The following SNTG1 variants were observed in gnomAD, a reference collection of about 807,000 sequenced individuals.
SNTG1 encodes the protein gamma-1-syntrophin.
A neutral mutation model predicts 74.7 loss-of-function variants in SNTG1; 39 were observed. The ratio of observed to expected loss-of-function variants is 0.52; its 90% CI spans 0.40 to 0.68. The LOEUF (loss-of-function observed/expected upper bound fraction) is 0.68, where lower values mean the gene tolerates loss of function less well. SNTG1 is among the 30% of genes least tolerant of loss of function. The pLI is 0.00. For synonymous variants in SNTG1, 254 were observed against 217.1 expected (o/e 1.17, Z -1.49); for missense variants, 685 against 609.5 (o/e 1.12, Z -1.30).
At chr8:50,751,941 C>A in intron 17 of SNTG1, 60 bp from the exon 18 acceptor site, 1 of 993,480 alleles carries the variant, frequency 1.0e-6, no homozygotes, top group Non-Finnish European at 1.5e-6. Flanking sequence ...AGAACTATTT[C>A]TTGATTTGAA....
intron 12 of SNTG1, among the ~76,000 whole-genome samples, chr8:50,587,926 A>G (rs1490177744): frequency 6.6e-6 from 1 of 152,036 alleles, no homozygotes; most frequent in Non-Finnish European, 1.5e-5. Flanking sequence ...TCTGGCCAAC[A>G]TGGTGAAACC....
chr8:50,140,574 G>A (rs1386530797), intron 1 of SNTG1, among the ~76,000 whole-genome samples: 1 of 152,080 alleles, frequency 6.6e-6, no homozygotes, highest in Non-Finnish European at 1.5e-5. Flanking sequence ...GTGTGTATGT[G>A]TGAATGTTTA....
At chr8:50,437,886 T>C (rs73581395) in intron 4 of SNTG1, among the ~76,000 whole-genome samples, 4,234 of 152,308 alleles carry the variant, frequency 0.028, 186 homozygotes, top group African/African-American at 0.095. Flanking sequence ...CTTTGTGATT[T>C]TGAAGTTTTA....
At chr8:50,084,111 G>T (rs902460203) in intron 1 of SNTG1, among the ~76,000 whole-genome samples, 16 of 152,146 alleles carry the variant, frequency 1.1e-4, no homozygotes, top group African/African-American at 3.9e-4. Flanking sequence ...CACACTAAGT[G>T]GTTCATGTCG....
intron 17 of SNTG1, among the ~76,000 whole-genome samples, chr8:50,741,154 T>A (rs772896659): frequency 1.5e-4 from 23 of 152,042 alleles, no homozygotes; most frequent in Non-Finnish European, 3.4e-4. Context: ...AGGCAGAGTC[T>A]TGCTCTGTCA....
At chr8:49,916,496 A>G (rs904330941) in intron 1 of SNTG1, among the ~76,000 whole-genome samples, 1 of 152,152 alleles carries the variant, frequency 6.6e-6, no homozygotes, top group Admixed American at 6.6e-5. Context: ...TCACTTCATC[A>G]TATGTAATGT....
At chr8:49,959,121 C>T (rs562234686) in intron 1 of SNTG1, among the ~76,000 whole-genome samples, 6 of 152,180 alleles carry the variant, frequency 3.9e-5, no homozygotes, top group South Asian at 4.1e-4. Context: ...ATGAAATTCT[C>T]GATATTTTCA....
intron 1 of SNTG1, among the ~76,000 whole-genome samples, chr8:50,044,717 C>T (rs1563515958): frequency 6.6e-6 from 1 of 152,156 alleles, no homozygotes; most frequent in Admixed American, 6.5e-5. Context: ...AAAATAACAT[C>T]TATAAACTGC....
intron 9 of SNTG1, among the ~76,000 whole-genome samples, chr8:50,508,321 T>C (rs1289603565): frequency 6.6e-6 from 1 of 152,220 alleles, no homozygotes; most frequent in Non-Finnish European, 1.5e-5. Flanking sequence ...AGTCTATCAT[T>C]GTTGGATATT....
intron 2 of SNTG1, among the ~76,000 whole-genome samples, chr8:50,346,948 T>C (rs973383411): frequency 2.0e-5 from 3 of 152,250 alleles, no homozygotes; most frequent in Non-Finnish European, 2.9e-5. Flanking sequence ...AGAAGTCATC[T>C]TCACAACATA....
rs566894200 is a variant in SNTG1, at chr8:50,429,219, G to C, written c.163-9324G>C. ...TTGAAAAAAACAAAAGAGTTTGAGGGTTCATATTTCCTGATTTCAAAGCTT... is the reference window on the plus strand; with the variant it reads ...TTGAAAAAAACAAAAGAGTTTGAGGCTTCATATTTCCTGATTTCAAAGCTT... On this transcript the variant is annotated intron_variant, in intron 4 of 18. Coordinates refer to ENST00000642720, the MANE Select transcript of SNTG1 (RefSeq NM_018967.5). Among the ~76,000 whole-genome samples, 5 of 151,912 alleles carry C rather than the reference G, an allele frequency of 3.3e-5. No individual in the cohort carries two copies. The East Asian group carries it at 9.7e-4, about 29-fold the overall frequency.
chr8:50,090,829 T>C (rs1331658998), intron 1 of SNTG1, among the ~76,000 whole-genome samples: 2 of 152,040 alleles, frequency 1.3e-5, no homozygotes, highest in Non-Finnish European at 2.9e-5. Flanking sequence ...AGACAGCATA[T>C]GAATAAAATG....
chr8:50,295,638 G>C (rs565399972), intron 2 of SNTG1, among the ~76,000 whole-genome samples: 1 of 152,234 alleles, frequency 6.6e-6, no homozygotes, highest in African/African-American at 2.4e-5. Context: ...GCCAAAGGTT[G>C]TTTGCATGTA....
chr8:50,355,267 A>ACTC (rs137866281), intron 2 of SNTG1, among the ~76,000 whole-genome samples: 12,042 of 152,178 alleles, frequency 0.079, 568 homozygotes, highest in African/African-American at 0.12. Context: ...AAATAAATTA[A>ACTC]ATAGTCATTC....
At chr8:50,210,448 G>A (rs1353297563) in intron 2 of SNTG1, among the ~76,000 whole-genome samples, 2 of 152,174 alleles carry the variant, frequency 1.3e-5, no homozygotes, top group East Asian at 3.9e-4. Flanking sequence ...AAGTTGAAAT[G>A]ACGGAAAAAA....
chr8:50,065,308 A>G (rs1402572400), intron 1 of SNTG1, among the ~76,000 whole-genome samples: 1 of 152,202 alleles, frequency 6.6e-6, no homozygotes, highest in Non-Finnish European at 1.5e-5. Flanking sequence ...CATGTTTTTT[A>G]TCTTATTTTT....
At chr8:50,608,883 G>A (rs2094831127) in intron 13 of SNTG1, among the ~76,000 whole-genome samples, 1 of 151,810 alleles carries the variant, frequency 6.6e-6, no homozygotes, top group Non-Finnish European at 1.5e-5. Context: ...TTTTGAAAAA[G>A]ATTGCTCTTG....
chr8:50,060,404 C>A (rs1023718679), intron 1 of SNTG1, among the ~76,000 whole-genome samples: 1 of 151,976 alleles, frequency 6.6e-6, no homozygotes, highest in Non-Finnish European at 1.5e-5. Context: ...GTTGCTTATG[C>A]TTCTTGAGTC....
chr8:50,114,426 A>C (rs773564948), intron 1 of SNTG1, among the ~76,000 whole-genome samples: 106 of 152,202 alleles, frequency 7.0e-4, no homozygotes, highest in Non-Finnish European at 1.4e-3. Flanking sequence ...AACCTGATTG[A>C]GAAAAACAAA....
Sources: gnomAD v4.1 joint callset for allele counts (sites outside exome capture counted in the v4.1 genomes callset) on GRCh38, gnomAD v4.1.1 for gene constraint, MANE v1.5 for transcripts, NCBI Gene and HGNC (gene_info 2026-07-23, HGNC 2026-07-21) for gene names.